Variants in CHID1 observed in about 807,000 individuals in gnomAD.
The protein encoded by CHID1 is chitinase domain containing 1, also known as chitinase domain-containing protein 1.
A neutral mutation model predicts 55.4 loss-of-function variants in CHID1; 44 were observed. The ratio of observed to expected loss-of-function variants is 0.79; its 90% CI spans 0.62 to 1.02. CHID1 has a LOEUF of 1.02. Ranked by LOEUF, CHID1 falls within the 50% of genes least tolerant of loss-of-function variation. CHID1 has a pLI of 0.00. For synonymous variants in CHID1, 216 were observed against 212.9 expected, an observed-to-expected ratio of 1.01 and a Z score of -0.13; for missense variants, 491 against 515.3, an observed-to-expected ratio of 0.95 and a Z score of 0.46.
intron 10 of CHID1, among the ~76,000 whole-genome samples, chr11:877,551 G>A (rs1849596331): frequency 6.6e-6 from 1 of 152,234 alleles, no homozygotes; most frequent in South Asian, 2.1e-4. Flanking sequence ...AAGCCACACT[G>A]ATGCCTTGTG....
intron 10 of CHID1, chr11:882,938 G>T (rs1037806943): frequency 3.3e-5 from 18 of 549,288 alleles, no homozygotes; most frequent in African/African-American, 3.2e-4. Flanking sequence ...TCACGCAGAT[G>T]TGTGGCCGTG....
rs1851685182 is a variant in CHID1 at position 900,000 on chromosome 11, T to A, written c.546+4A>T. ...CAGAGGCTGGAGCAGCACACAGGTCTCACCTTTGCCACCTGGACCACGGTC... is the reference window on the plus strand; with the variant it reads ...CAGAGGCTGGAGCAGCACACAGGTCACACCTTTGCCACCTGGACCACGGTC... On this transcript the variant is annotated splice_donor_region_variant and intron_variant, in intron 6 of 12. Coordinates refer to ENST00000323578, the MANE Select transcript of CHID1 (RefSeq NM_023947.4). The A allele has an allele frequency of 1.9e-6, 3 of 1,607,802 alleles. No individual in the cohort carries two copies. In the East Asian group the frequency reaches 6.7e-5, roughly 36 times the overall value.
At chr11:881,748 T>G (rs1433557369) in intron 10 of CHID1, among the ~76,000 whole-genome samples, 4 of 151,946 alleles carry the variant, frequency 2.6e-5, no homozygotes, top group African/African-American at 9.7e-5. Flanking sequence ...ACACCTGTCA[T>G]CCCAGCACTT....
chr11:897,372 T>C (rs1393116302), intron 7 of CHID1, among the ~76,000 whole-genome samples: 3 of 152,016 alleles, frequency 2.0e-5, no homozygotes, highest in Admixed American at 1.3e-4. Flanking sequence ...CGGAAATGAG[T>C]GTGGCAAATC....
intron 1 of CHID1, among the ~76,000 whole-genome samples, chr11:909,608 CAT>C (rs766971627): frequency 7.9e-5 from 12 of 152,228 alleles, no homozygotes; most frequent in African/African-American, 1.4e-4. Flanking sequence ...CATGTGTGCA[CAT>C]GTGTTGTGCA....
At chr11:912,721 G>C (rs1852768488), upstream of CHID1, among the ~76,000 whole-genome samples, 1 of 151,462 alleles carries the variant, frequency 6.6e-6, no homozygotes, top group East Asian at 2.0e-4. Flanking sequence ...GCGGGCGCCC[G>C]TAGTCCCAGC....
At chr11:871,665 G>A (rs1308955535) in intron 10 of CHID1, among the ~76,000 whole-genome samples, 4 of 152,206 alleles carry the variant, frequency 2.6e-5, no homozygotes, top group Admixed American at 1.3e-4. Context: ...GAGGCCTGGC[G>A]TGGGGCCTAC....
At position 884,053 on chromosome 11, in the gene CHID1, C is replaced by A; in HGVS notation, c.803+15G>T. On this transcript the variant is annotated intron_variant, in intron 9 of 12. Coordinates refer to ENST00000323578, the MANE Select transcript of CHID1 (RefSeq NM_023947.4). ...GAGTTTGCTGTGCCCAGGAGCCCCC[C>A]AAGCCCACACTCACTGATGCGCTGT... 6.2e-7 allele frequency: 1 copy of A among 1,606,714 alleles called. No homozygotes were observed. The highest frequency in any genetic ancestry group is 1.1e-5 in the South Asian group (1 of 90,928).
chr11:910,960 G>A, upstream of CHID1: 1 of 385,646 alleles, frequency 2.6e-6, no homozygotes, highest in Non-Finnish European at 3.5e-6. Flanking sequence ...CGGGGCCGGG[G>A]CCGGGGCGGG....
intron 1 of CHID1, among the ~76,000 whole-genome samples, chr11:906,834 G>C (rs1016692434): frequency 6.6e-6 from 1 of 151,894 alleles, no homozygotes; most frequent in Admixed American, 6.6e-5. Flanking sequence ...TTCGAGACCA[G>C]CCTGACCAAC....
chr11:902,148 ACT>A (rs780923430), intron 4 of CHID1, 48 bp downstream of exon 4: 2 of 1,607,150 alleles, frequency 1.2e-6, no homozygotes, highest in Non-Finnish European at 1.7e-6. Flanking sequence ...TCGCACTCAC[ACT>A]CTTTTCAGCC....
chr11:893,624 T>C, intron 7 of CHID1, 105 bp from the exon 8 acceptor site: 6 of 861,510 alleles, frequency 7.0e-6, no homozygotes, highest in Non-Finnish European at 1.1e-5. Context: ...GTCCCCAGCC[T>C]GACACCCTGC....
At chr11:890,995 A>G (rs1292120318) in intron 8 of CHID1, among the ~76,000 whole-genome samples, 2 of 152,104 alleles carry the variant, frequency 1.3e-5, no homozygotes, top group African/African-American at 4.8e-5. Flanking sequence ...TGCTCTTGGG[A>G]GGTGAGTGAC....
chr11:881,814 C>T (rs1849957687), intron 10 of CHID1, among the ~76,000 whole-genome samples: 1 of 151,294 alleles, frequency 6.6e-6, no homozygotes, highest in Non-Finnish European at 1.5e-5. Flanking sequence ...CCAGCCTCGA[C>T]AACATGGCAA....
chr11:895,314 C>T (rs2134262562), intron 7 of CHID1, among the ~76,000 whole-genome samples: 1 of 152,292 alleles, frequency 6.6e-6, no homozygotes, highest in East Asian at 1.9e-4. Context: ...CCCCCAGCCA[C>T]TCTGTGAGGG....
chr11:896,459 A>AGGTG, intron 7 of CHID1, among the ~76,000 whole-genome samples: 1 of 49,228 alleles, frequency 2.0e-5, no homozygotes, highest in Non-Finnish European at 3.8e-5. Context: ...CCCCAGACAC[A>AGGTG]AGGCTGTCTC....
rs769240188 is a variant in CHID1, at chr11:883,263, C to T, written c.844G>A (p.Val282Ile). 92 of 1,613,998 alleles carry T rather than the reference C, an allele frequency of 5.7e-5. No individual in the cohort carries two copies. Among genetic ancestry groups the T allele is most frequent in the African/African-American group, 2.0e-4 (15 of 74,940 alleles). The change falls in exon 10 of 13, where the codon GTC becomes ATC. Residue 282 changes from valine (V) to isoleucine (I), a missense_variant. By Grantham distance (29) the Val-to-Ile change is conservative. Coordinates refer to ENST00000323578, the MANE Select transcript of CHID1 (RefSeq NM_023947.4). ...NAPLSWVRAC[V>I]QVLDPKSKWR... The stretch of plus-strand genomic sequence containing the variant: ...TTGGACTTCGGGTCCAGGACCTGGA[C>T]GCAGGCTCGAACCCAGGACAGGGGT...
chr11:887,202 A>G (rs2134204199), intron 8 of CHID1, among the ~76,000 whole-genome samples: 1 of 151,782 alleles, frequency 6.6e-6, no homozygotes, highest in South Asian at 2.1e-4. Context: ...TAACTTTTAA[A>G]TTTTTTGTAA....
intron 8 of CHID1, among the ~76,000 whole-genome samples, chr11:889,290 C>A (rs892117020): frequency 6.6e-6 from 1 of 152,228 alleles, no homozygotes; most frequent in African/African-American, 2.4e-5. Context: ...AAACCCCCAC[C>A]CACCCACCTT....
Sources: allele counts gnomAD v4.1 joint callset (sites outside exome capture counted in the v4.1 genomes callset), GRCh38; gene constraint gnomAD v4.1.1; transcripts MANE v1.5; gene names NCBI Gene and HGNC (gene_info 2026-07-23, HGNC 2026-07-21).